The following SNX29 variants were observed in gnomAD, a reference collection of about 807,000 sequenced individuals.
The protein encoded by SNX29 is sorting nexin 29.
A neutral mutation model predicts 102.1 loss-of-function variants in SNX29; 78 were observed. The observed-to-expected ratio is 0.76, with a 90% CI of 0.64 to 0.92. SNX29 has a LOEUF of 0.92. Ranked by LOEUF, SNX29 falls within the 40% of genes least tolerant of loss-of-function variation. SNX29 has a pLI of 0.00. For synonymous variants in SNX29, 580 were observed against 414.5 expected, an observed-to-expected ratio of 1.40 and a Z score of -4.85; for missense variants, 1,280 against 1,061.7, an observed-to-expected ratio of 1.21 and a Z score of -2.86.
intron 10 of SNX29, among the ~76,000 whole-genome samples, chr16:12,074,380 C>G (rs556816294): frequency 1.8e-3 from 275 of 152,034 alleles, no homozygotes; most frequent in African/African-American, 6.3e-3. Context: ...GACAAAATCT[C>G]TCAGCATTTG....
In SNX29 at chr16:12,445,652, G is replaced by A. The variant is rs143727333; in HGVS notation, c.2038-32067G>A. ...AAGCTTTTTCACTTACAAAAAAATA[G>A]CCTCAGTGTACAGTGGGTTCAGAAC... On this transcript the variant is annotated intron_variant, in intron 18 of 20. Coordinates refer to ENST00000566228, the MANE Select transcript of SNX29 (RefSeq NM_032167.5). Among the ~76,000 whole-genome samples the A allele has an allele frequency of 9.0e-3, 1,369 of 152,324 alleles. 26 individuals carry two copies. Among genetic ancestry groups the A allele is most frequent in the African/African-American group, 0.031 (1,302 of 41,578 alleles).
chr16:12,485,054 G>T (rs141807226), intron 19 of SNX29, among the ~76,000 whole-genome samples: 1 of 152,118 alleles, frequency 6.6e-6, no homozygotes, highest in Non-Finnish European at 1.5e-5. Flanking sequence ...TTTCTTCTTC[G>T]CTTTGCTGGG....
In SNX29 at chr16:12,075,159, C is replaced by A. The variant is rs1044250021; in HGVS notation, c.1320-3674C>A. On this transcript the variant is annotated intron_variant, in intron 10 of 20. Coordinates refer to ENST00000566228, the MANE Select transcript of SNX29 (RefSeq NM_032167.5). ...TTGATCATCTGAAGCCTTCTTCTCT[C>A]AACTCGTCAAAGTCATTCTCCGTCC... 5.9e-5 allele frequency among the ~76,000 whole-genome samples: 9 copies of A among 152,358 alleles called. No individual in the cohort carries two copies. In the South Asian group the frequency reaches 8.3e-4, roughly 14 times the overall value.
chr16:12,101,943 T>G (rs553350010), intron 11 of SNX29, among the ~76,000 whole-genome samples: 7 of 151,994 alleles, frequency 4.6e-5, no homozygotes, highest in African/African-American at 1.7e-4. Context: ...CAGGCCCCAG[T>G]GTGTGATGTT....
chr16:12,003,142 G>T, intron 3 of SNX29, 99 bp downstream of exon 3: 1 of 1,447,170 alleles, frequency 6.9e-7, no homozygotes, highest in Non-Finnish European at 9.7e-7. Flanking sequence ...TTGGAAAGGC[G>T]GCAGAAGGCG....
chr16:12,206,814 G>GTTTTT (rs71139583), intron 14 of SNX29, among the ~76,000 whole-genome samples: 37,884 of 121,014 alleles, frequency 0.31, 7,830 homozygotes, highest in Non-Finnish European at 0.46. Context: ...GAATGAGGTG[G>GTTTTT]TTTTTTTTTT....
rs984186367 is a variant in SNX29 at position 12,098,547 on chromosome 16, A to G, written c.1402+19632A>G. Among the ~76,000 whole-genome samples the G allele has an allele frequency of 5.9e-5, 9 of 152,252 alleles. No homozygotes were observed. The East Asian group carries it at 1.5e-3, about 26-fold the overall frequency. ...GGTGTCTGTACACACCGTCGGTTTC[A>G]TGTGCGCAGACGATTCAGTTTCATG... On this transcript the variant is annotated intron_variant, in intron 11 of 20. Coordinates refer to ENST00000566228, the MANE Select transcript of SNX29 (RefSeq NM_032167.5). This position sits in a 1 kb window ranked among gnomAD's most constrained non-coding sequence, Gnocchi z 6.0.
chr16:12,330,359 C>T (rs1239241411), intron 15 of SNX29, among the ~76,000 whole-genome samples: 1 of 152,078 alleles, frequency 6.6e-6, no homozygotes, highest in African/African-American at 2.4e-5. Context: ...CCCAGCTACT[C>T]GGGAGGCTGA....
At chr16:12,224,434 G>C (rs1389171372) in intron 14 of SNX29, among the ~76,000 whole-genome samples, 1 of 152,216 alleles carries the variant, frequency 6.6e-6, no homozygotes, top group African/African-American at 2.4e-5. Context: ...CTGGAGAGGA[G>C]GGAGTGGTGA....
At chr16:12,418,516 TC>T (rs2084736589) in intron 18 of SNX29, among the ~76,000 whole-genome samples, 1 of 105,362 alleles carries the variant, frequency 9.5e-6, no homozygotes, top group Admixed American at 9.2e-5. Context: ...TTCTGGGTTT[TC>T]TTTTCTTTTT....
In SNX29 at chr16:12,573,645, C is replaced by T; in HGVS notation, c.*5016C>T. On this transcript the variant is annotated 3_prime_UTR_variant, in exon 21 of 21. Transcript: ENST00000566228. ...TCTCCATGAACGGCAAGGGGAACCA[C>T]CACTCATTCACTGTCAGTGTAGGTA... 4.5e-6 allele frequency: 1 copy of T among 222,192 alleles called. No individual in the cohort carries two copies. Among genetic ancestry groups the T allele is most frequent in the East Asian group, 6.6e-5 (1 of 15,258 alleles). The allele number at this position is 222,192 out of a possible 1,614,324, so 13.8% of individuals were successfully genotyped here.
chr16:12,034,622 C>G (rs2057424813), intron 4 of SNX29, among the ~76,000 whole-genome samples: 1 of 152,110 alleles, frequency 6.6e-6, no homozygotes, highest in Admixed American at 6.6e-5. Context: ...TGGCTATTTA[C>G]TAAGGGGTAT....
At chr16:12,080,730 C>T (rs1160781562) in intron 11 of SNX29, among the ~76,000 whole-genome samples, 1 of 137,374 alleles carries the variant, frequency 7.3e-6, no homozygotes, top group Non-Finnish European at 1.5e-5. Flanking sequence ...TTGCTCTTGT[C>T]TCCCAGGCTG....
chr16:12,384,395 T>TTTTGGATTAAAACCA (rs2083278693), intron 16 of SNX29, among the ~76,000 whole-genome samples: 2 of 152,342 alleles, frequency 1.3e-5, no homozygotes, highest in Middle Eastern at 6.8e-3. Flanking sequence ...ACTGCCTGTC[T>TTTTGGATTAAAACCA]TTTGGATTAA....
At chr16:12,294,098 C>T (rs1029036927) in intron 15 of SNX29, among the ~76,000 whole-genome samples, 1 of 152,256 alleles carries the variant, frequency 6.6e-6, no homozygotes, top group Admixed American at 6.5e-5. Flanking sequence ...TCAGTCCCCA[C>T]TGCTGGTCAG....
chr16:12,102,652 A>G (rs1489593743), intron 11 of SNX29, among the ~76,000 whole-genome samples: 1 of 152,228 alleles, frequency 6.6e-6, no homozygotes, highest in African/African-American at 2.4e-5. Flanking sequence ...AACCGGCACA[A>G]GACAAGGATG....
At chr16:12,556,777 C>T (rs532748611) in intron 20 of SNX29, among the ~76,000 whole-genome samples, 1 of 152,092 alleles carries the variant, frequency 6.6e-6, no homozygotes, top group African/African-American at 2.4e-5. Flanking sequence ...CTGGTTTGAG[C>T]ATTGGAGTCA....
chr16:12,347,398 A>C lies in SNX29; in HGVS notation c.1783-8765A>C, dbSNP rs1015148952. Reference sequence around the variant, plus strand: ...GCCGTCCCCACAGCAGAACCAAAGCAAAATGTGTATTGGAAGGAAGAAAGA... The same window carrying C: ...GCCGTCCCCACAGCAGAACCAAAGCCAAATGTGTATTGGAAGGAAGAAAGA... On this transcript the variant is annotated intron_variant, in intron 15 of 20. Coordinates refer to ENST00000566228, the MANE Select transcript of SNX29 (RefSeq NM_032167.5). 2.0e-5 allele frequency among the ~76,000 whole-genome samples: 3 copies of C among 152,164 alleles called. No individual in the cohort carries two copies. The East Asian group carries it at 5.8e-4, about 29-fold the overall frequency.
intron 4 of SNX29, among the ~76,000 whole-genome samples, chr16:12,039,174 C>T (rs866208610): frequency 2.0e-5 from 3 of 152,232 alleles, no homozygotes; most frequent in African/African-American, 4.8e-5. Flanking sequence ...GGAACCCACG[C>T]GAATGCCCTC....
Sources: gnomAD v4.1 joint callset for allele counts (sites outside exome capture counted in the v4.1 genomes callset) on GRCh38, gnomAD v4.1.1 for gene constraint, Gnocchi (gnomAD v3.1) non-coding constraint, MANE v1.5 for transcripts, NCBI Gene and HGNC (gene_info 2026-07-23, HGNC 2026-07-21) for gene names.